MSH4: variants seen among roughly 807,000 people sequenced by gnomAD.
MSH4 encodes the protein mutS protein homolog 4.
MSH4 carries 106 observed loss-of-function variants against 113.7 expected under a neutral mutation model. The ratio of observed to expected loss-of-function variants is 0.93; its 90% CI spans 0.80 to 1.10. MSH4 has a LOEUF of 1.10. Ranked by LOEUF, MSH4 falls within the 50% of genes least tolerant of loss-of-function variation. MSH4 has a pLI of 0.00. For missense variants in MSH4, 1,061 were observed against 1,093.7 expected, an observed-to-expected ratio of 0.97 and a Z score of 0.42; for synonymous variants, 368 against 380.2, an observed-to-expected ratio of 0.97 and a Z score of 0.37.
intron 9 of MSH4, among the ~76,000 whole-genome samples, chr1:75,869,308 G>T (rs185576605): frequency 7.0e-4 from 106 of 152,278 alleles, no homozygotes; most frequent in Non-Finnish European, 1.0e-3. Context: ...CATTCAAGAG[G>T]AAGCAGAGTA....
chr1:75,820,214 A>C (rs1480562192), intron 6 of MSH4, among the ~76,000 whole-genome samples: 1 of 152,228 alleles, frequency 6.6e-6, no homozygotes, highest in Admixed American at 6.5e-5. Context: ...TATTAGTGTG[A>C]ATATTGTAAC....
At chr1:75,826,910 G>T (rs1215645837) in intron 7 of MSH4, among the ~76,000 whole-genome samples, 2 of 152,164 alleles carry the variant, frequency 1.3e-5, no homozygotes, top group Non-Finnish European at 1.5e-5. Flanking sequence ...GTGCTATGTG[G>T]TGCTGAGAAG....
chr1:75,813,932 AGC>A (rs1650240456), intron 4 of MSH4, among the ~76,000 whole-genome samples: 2 of 152,182 alleles, frequency 1.3e-5, no homozygotes, highest in Non-Finnish European at 2.9e-5. Context: ...TTTGAGTCTC[AGC>A]TTTGGCACAG....
At chr1:75,900,250 T>C (rs927864230) in intron 19 of MSH4, among the ~76,000 whole-genome samples, 2 of 152,104 alleles carry the variant, frequency 1.3e-5, no homozygotes, top group African/African-American at 4.8e-5. Flanking sequence ...GACTCAAAAT[T>C]TGGAAAATTT....
chr1:75,880,114 GC>G lies in MSH4; in HGVS notation c.1744del (p.Gln582LysfsTer4). On this transcript the variant is annotated frameshift_variant, in exon 13 of 20. Transcript: ENST00000263187. LOFTEE classifies it high-confidence loss of function. ...GATTTAATTAAAATGAATGAAAGAT[GC>G]CAAGAATCTTTGAGAGAAATCTATC... The part of the protein sequence containing the change: ...SADLIKMNER[C>X]QESLREIYHM... 1 of 1,595,922 alleles carries G rather than the reference GC, an allele frequency of 6.3e-7. No homozygotes were observed. The highest frequency in any genetic ancestry group is 1.3e-5 in the African/African-American group (1 of 74,494).
Position 75,912,990 on chromosome 1 carries a change from T to C in MSH4, c.*103T>C. The C allele has an allele frequency of 1.6e-6, 1 of 618,610 alleles. No individual in the cohort carries two copies. The highest frequency in any genetic ancestry group is 4.3e-5 in the South Asian group (1 of 23,124). 38.3% of individuals were successfully genotyped at this position (618,610 alleles called of 1,614,324 possible). ...ACATTTGCCAAATTTCATATTTTAATTGAAAATTACATTATATTAACATCA... is the reference window on the plus strand; with the variant it reads ...ACATTTGCCAAATTTCATATTTTAACTGAAAATTACATTATATTAACATCA... On this transcript the variant is annotated 3_prime_UTR_variant, in exon 20 of 20. Coordinates refer to ENST00000263187, the MANE Select transcript of MSH4 (RefSeq NM_002440.4).
chr1:75,805,383 G>GT (rs35951661), intron 2 of MSH4, among the ~76,000 whole-genome samples: 63 of 124,322 alleles, frequency 5.1e-4, no homozygotes, highest in Admixed American at 1.4e-3. Flanking sequence ...ACCATTTTTT[G>GT]TTTTTTTTTT....
chr1:75,880,217 T>C (rs1651902085), intron 13 of MSH4, 64 bp downstream of exon 13: 2 of 829,106 alleles, frequency 2.4e-6, no homozygotes, highest in Non-Finnish European at 3.8e-6. Flanking sequence ...ACTGTTACAA[T>C]TGTATTAGTT....
intron 9 of MSH4, among the ~76,000 whole-genome samples, chr1:75,876,715 G>A (rs1013894139): frequency 1.3e-5 from 2 of 151,974 alleles, no homozygotes; most frequent in Non-Finnish European, 2.9e-5. Flanking sequence ...TTTATAATAA[G>A]CAGTGGATGG....
Position 75,800,414 on chromosome 1 carries a change from T to C in MSH4, c.244+3185T>C, listed in dbSNP as rs180736204. Among the ~76,000 whole-genome samples, 69 of 152,250 alleles carry C rather than the reference T, an allele frequency of 4.5e-4. 2 individuals are homozygous for C. The Middle Eastern group carries it at 0.01, about 23-fold the overall frequency. On this transcript the variant is annotated intron_variant, in intron 1 of 19. Transcript: ENST00000263187. Reference sequence around the variant, plus strand: ...ACATAGGAATTGTAAGAAAGAGAGATACTGATCAGATTTGCTTTTCAGAAA... The same window carrying C: ...ACATAGGAATTGTAAGAAAGAGAGACACTGATCAGATTTGCTTTTCAGAAA...
intron 14 of MSH4, among the ~76,000 whole-genome samples, chr1:75,882,451 A>G (rs189979597): frequency 1.3e-5 from 2 of 152,026 alleles, no homozygotes; most frequent in African/African-American, 4.8e-5. Context: ...GGTGGTATCC[A>G]TAGAGACCTG....
chr1:75,878,914 C>T, intron 11 of MSH4, 78 bp from the exon 12 acceptor site: 3 of 1,282,002 alleles, frequency 2.3e-6, no homozygotes, highest in Non-Finnish European at 3.3e-6. Context: ...CCATGTGACT[C>T]TTTAAAACAG....
chr1:75,878,495 A>G (rs1013141757), intron 11 of MSH4, among the ~76,000 whole-genome samples, 177 bp downstream of exon 11: 1 of 152,188 alleles, frequency 6.6e-6, no homozygotes, highest in Non-Finnish European at 1.5e-5. Flanking sequence ...CAGCCTTCAT[A>G]CTAAACTCCT....
intron 15 of MSH4, among the ~76,000 whole-genome samples, chr1:75,886,629 T>TAAATATATAATTATGTATAAATATAG (rs1652124251): frequency 7.7e-6 from 1 of 129,438 alleles, no homozygotes; most frequent in South Asian, 2.3e-4. Context: ...TATAAATATA[T>TAAATATATAATTATGTATAAATATAG]AAATATATAA....
intron 8 of MSH4, among the ~76,000 whole-genome samples, chr1:75,861,932 G>A (rs1356209846): frequency 6.6e-6 from 1 of 152,130 alleles, no homozygotes; most frequent in Non-Finnish European, 1.5e-5. Flanking sequence ...CACCTAGCTC[G>A]AGCTTCCCTG....
At chr1:75,800,506 G>A (rs1020013599) in intron 1 of MSH4, among the ~76,000 whole-genome samples, 9 of 152,168 alleles carry the variant, frequency 5.9e-5, no homozygotes, top group African/African-American at 2.4e-5. Flanking sequence ...AGAAGAAGAA[G>A]TAGGAAACTT....
chr1:75,906,990 C>T (rs561932728), intron 19 of MSH4, among the ~76,000 whole-genome samples: 24 of 152,016 alleles, frequency 1.6e-4, no homozygotes, highest in South Asian at 1.5e-3. Context: ...CCCACCACCA[C>T]GCCCAGCTAA....
intron 17 of MSH4, among the ~76,000 whole-genome samples, chr1:75,896,346 AACACACACACACACACACACACAC>A (rs4035039): frequency 2.0e-4 from 27 of 137,174 alleles, no homozygotes; most frequent in Non-Finnish European, 3.6e-4. Context: ...ACACACATAC[AACACACACACACACACACACACAC>A]ACACACACAC....
chr1:75,805,049 A>G (rs1001851330), intron 2 of MSH4, among the ~76,000 whole-genome samples: 2 of 149,396 alleles, frequency 1.3e-5, no homozygotes, highest in African/African-American at 4.9e-5. Flanking sequence ...CTGGTCTTGA[A>G]CTCCTAACCT....
Sources: gnomAD v4.1 joint callset for allele counts (sites outside exome capture counted in the v4.1 genomes callset) on GRCh38, gnomAD v4.1.1 for gene constraint, MANE v1.5 for transcripts, NCBI Gene and HGNC (gene_info 2026-07-23, HGNC 2026-07-21) for gene names.